TRMT9B: variants seen among roughly 807,000 people sequenced by gnomAD.
TRMT9B encodes the protein probable tRNA methyltransferase 9B.
Under a neutral mutation model 11.5 loss-of-function variants are expected in TRMT9B, and 16 were observed. That is an observed-to-expected ratio of 1.39 (90% confidence interval 0.94 to 2.11). The LOEUF (loss-of-function observed/expected upper bound fraction) is 2.11, where lower values mean the gene tolerates loss of function less well. Ranked by LOEUF, TRMT9B falls within the 30% of genes most tolerant of loss-of-function variation. The pLI, the probability that TRMT9B is intolerant of heterozygous loss-of-function variation, is 0.00. For synonymous variants in TRMT9B, 274 were observed against 192.4 expected, an observed-to-expected ratio of 1.42 and a Z score of -3.51; for missense variants, 941 against 553.8, an observed-to-expected ratio of 1.70 and a Z score of -7.02.
chr8:12,997,207 G>A (rs1294114106), intron 2 of TRMT9B, among the ~76,000 whole-genome samples: 1 of 151,924 alleles, frequency 6.6e-6, no homozygotes, highest in Non-Finnish European at 1.5e-5. Flanking sequence ...GGATGTGTTC[G>A]GGTTATGGTG....
In TRMT9B at chr8:12,949,465, A is replaced by G. The variant is rs535322272; in HGVS notation, c.-200+3499A>G. ...AAGTCTAGCTATGTTTCTCTGGTGTACAAATTTTCTTTACAGTACATTTTT... is the reference window on the plus strand; with the variant it reads ...AAGTCTAGCTATGTTTCTCTGGTGTGCAAATTTTCTTTACAGTACATTTTT... On this transcript the variant is annotated intron_variant, in intron 1 of 4. Transcript: ENST00000524591. 8.6e-4 allele frequency among the ~76,000 whole-genome samples: 131 copies of G among 152,210 alleles called. 1 individual carries two copies. Among genetic ancestry groups the G allele is most frequent in the Non-Finnish European group, 1.4e-3 (94 of 68,038 alleles).
chr8:13,028,294 T>G lies in TRMT9B; in HGVS notation c.*6250T>G, dbSNP rs637756. 0.1 allele frequency: 17,475 copies of G among 167,120 alleles called. 1,108 individuals carry two copies. The highest frequency in any genetic ancestry group is 0.14 in the South Asian group (673 of 4,818). 10.4% of individuals were successfully genotyped at this position (167,120 alleles called of 1,614,324 possible). ...TGATGGACCATTTGTAAGAGCTGTT[T>G]GTCAAATTGGATCTTCATTTGACAA... On this transcript the variant is annotated 3_prime_UTR_variant, in exon 5 of 5. Coordinates refer to ENST00000524591, the MANE Select transcript of TRMT9B (RefSeq NM_020844.3).
intron 2 of TRMT9B, 100 bp from the exon 3 acceptor site, chr8:13,006,102 C>A: frequency 1.8e-6 from 2 of 1,102,378 alleles, no homozygotes; most frequent in Non-Finnish European, 2.6e-6. Flanking sequence ...CATGAGTTTG[C>A]AGTTGTAGGC....
chr8:12,996,923 G>C (rs1170889283), intron 2 of TRMT9B, among the ~76,000 whole-genome samples: 1 of 148,646 alleles, frequency 6.7e-6, no homozygotes, highest in African/African-American at 2.5e-5. Context: ...TGTTTTATCT[G>C]TTTTTGTACC....
At chr8:12,989,420 A>T (rs1806934561) in intron 1 of TRMT9B, among the ~76,000 whole-genome samples, 1 of 152,218 alleles carries the variant, frequency 6.6e-6, no homozygotes, top group African/African-American at 2.4e-5. Context: ...AAAAGAAGCA[A>T]AATCAGTCAT....
chr8:12,954,183 T>A (rs188358911), intron 1 of TRMT9B, among the ~76,000 whole-genome samples: 1 of 152,350 alleles, frequency 6.6e-6, no homozygotes, highest in East Asian at 1.9e-4. Flanking sequence ...TAAATCTCTG[T>A]GTACGTGTAT....
At chr8:13,009,945 G>A (rs1266609336) in intron 3 of TRMT9B, among the ~76,000 whole-genome samples, 1 of 151,910 alleles carries the variant, frequency 6.6e-6, no homozygotes, top group Non-Finnish European at 1.5e-5. Flanking sequence ...TGGAAAACAT[G>A]GTGAAACCCC....
intron 1 of TRMT9B, among the ~76,000 whole-genome samples, chr8:12,984,052 T>C (rs558059295): frequency 3.9e-5 from 6 of 152,344 alleles, no homozygotes; most frequent in Admixed American, 3.9e-4. Flanking sequence ...CAACCGCAGA[T>C]TGTCCACATG....
In TRMT9B at chr8:12,959,837, A is replaced by G. The variant is rs190194824; in HGVS notation, c.-200+13871A>G. ...AGCCACCATGCCTGGCCTGGTCCCA[A>G]AGATTTCAGAAAAGGAATACTTAAT... is the stretch of plus-strand genomic sequence containing the variant. On this transcript the variant is annotated intron_variant, in intron 1 of 4. Transcript: ENST00000524591. The G allele has an allele frequency of 1.4e-3, 208 of 152,174 alleles. 1 individual carries two copies. The highest frequency in any genetic ancestry group is 4.6e-3 in the African/African-American group (191 of 41,536). 9.4% of individuals were successfully genotyped at this position (152,174 alleles called of 1,614,324 possible). A position where few individuals can be genotyped will look rare whatever the true frequency, so the allele number is the denominator to read the frequency against.
chr8:12,981,341 T>G (rs1423210493), intron 1 of TRMT9B, among the ~76,000 whole-genome samples: 1 of 152,020 alleles, frequency 6.6e-6, no homozygotes, highest in African/African-American at 2.4e-5. Flanking sequence ...GCACAGGGTG[T>G]GAATTGGGGG....
intron 3 of TRMT9B, among the ~76,000 whole-genome samples, chr8:13,009,833 T>C (rs1046315340): frequency 2.0e-5 from 3 of 152,102 alleles, no homozygotes; most frequent in African/African-American, 7.2e-5. Context: ...CCGCTACAAA[T>C]TACACTACAG....
chr8:12,977,260 C>T (rs1371261811), intron 1 of TRMT9B, among the ~76,000 whole-genome samples: 1 of 152,126 alleles, frequency 6.6e-6, no homozygotes, highest in Non-Finnish European at 1.5e-5. Context: ...ATGGAGCACT[C>T]AGCAGTGCCA....
chr8:12,963,850 A>G (rs990463689), intron 1 of TRMT9B, among the ~76,000 whole-genome samples: 1 of 152,222 alleles, frequency 6.6e-6, no homozygotes, highest in Admixed American at 6.5e-5. Flanking sequence ...TATTTAAACT[A>G]GGCTGCAGCG....
At chr8:12,953,401 G>T (rs1015729591) in intron 1 of TRMT9B, among the ~76,000 whole-genome samples, 1 of 152,050 alleles carries the variant, frequency 6.6e-6, no homozygotes, top group African/African-American at 2.4e-5. Flanking sequence ...CTAGGCTGGG[G>T]TGCAGTGGTG....
intron 1 of TRMT9B, among the ~76,000 whole-genome samples, chr8:12,985,479 A>G (rs1453206957): frequency 6.6e-6 from 1 of 152,148 alleles, no homozygotes; most frequent in African/African-American, 2.4e-5. Flanking sequence ...TAGAAAAGCT[A>G]ATATTGCTTG....
At position 13,021,004 on chromosome 8, in the gene TRMT9B, T is replaced by G; in HGVS notation, c.329-4T>G. ...ACACTGAGATCTAGTTTTGTCTTTT[T>G]CAGTCATACATCATTTTTCTACAAA... On this transcript the variant is annotated splice_region_variant and splice_polypyrimidine_tract_variant and intron_variant, in intron 4 of 4. Transcript: ENST00000524591. 1 of 1,524,808 alleles carries G rather than the reference T, an allele frequency of 6.6e-7. No homozygotes were observed. Among genetic ancestry groups the G allele is most frequent in the South Asian group, 1.3e-5 (1 of 77,078 alleles). 94.5% of individuals were successfully genotyped at this position (1,524,808 alleles called of 1,614,324 possible).
At chr8:12,949,852 C>G (rs548443701) in intron 1 of TRMT9B, among the ~76,000 whole-genome samples, 1 of 151,944 alleles carries the variant, frequency 6.6e-6, no homozygotes, top group African/African-American at 2.4e-5. Context: ...CTAGTTAATT[C>G]TATTTATTTA....
intron 4 of TRMT9B, among the ~76,000 whole-genome samples, chr8:13,018,955 C>G (rs975341472): frequency 1.3e-5 from 2 of 152,016 alleles, no homozygotes; most frequent in Non-Finnish European, 2.9e-5. Flanking sequence ...AAAAAGAACC[C>G]TTGATTACAG....
At chr8:13,018,224 A>T (rs1414839089) in intron 4 of TRMT9B, among the ~76,000 whole-genome samples, 1 of 151,686 alleles carries the variant, frequency 6.6e-6, no homozygotes, top group African/African-American at 2.4e-5. Flanking sequence ...CAACATGGCA[A>T]AACTCCATCT....
Sources: gnomAD v4.1 joint callset for allele counts (sites outside exome capture counted in the v4.1 genomes callset) on GRCh38, gnomAD v4.1.1 for gene constraint, MANE v1.5 for transcripts, NCBI Gene and HGNC (gene_info 2026-07-23, HGNC 2026-07-21) for gene names.